RCSD1: variants seen among roughly 807,000 people sequenced by gnomAD.
RCSD1 encodes RCSD domain containing 1, also known as capZ-interacting protein.
Under a neutral mutation model 42.5 loss-of-function variants are expected in RCSD1, and 26 were observed. That is an observed-to-expected ratio of 0.61 (90% CI 0.45 to 0.85). RCSD1 has a LOEUF of 0.85. Among genes scored for constraint, RCSD1 ranks in the 40% least tolerant of loss-of-function variants. The pLI, the probability that RCSD1 is intolerant of heterozygous loss-of-function variation, is 0.00. For missense variants in RCSD1, 571 were observed against 528.3 expected (o/e 1.08, Z -0.79); for synonymous variants, 220 against 212.2 (o/e 1.04, Z -0.32).
intron 1 of RCSD1, among the ~76,000 whole-genome samples, chr1:167,645,449 T>C (rs1422651253): frequency 6.6e-6 from 1 of 152,106 alleles, no homozygotes; most frequent in East Asian, 1.9e-4. Context: ...TGTCCCCAGA[T>C]AAAGCAGGAC....
In RCSD1 at chr1:167,705,085, C is replaced by G. The variant is rs1659728146; in HGVS notation, c.*389C>G. 1 of 158,186 alleles carries G rather than the reference C, an allele frequency of 6.3e-6. No homozygotes were observed. The highest frequency in any genetic ancestry group is 2.5e-5 in the African/African-American group (1 of 40,596). 9.8% of individuals were successfully genotyped at this position (158,186 alleles called of 1,614,324 possible). A position where few individuals can be genotyped will look rare whatever the true frequency, so the allele number is the denominator to read the frequency against. ...AGCTGATCTCTAATTTAACTGAGCT[C>G]TAATTTAGCTGATCAGATTTTGCTT... On this transcript the variant is annotated 3_prime_UTR_variant, in exon 7 of 7. Transcript: ENST00000367854.
At chr1:167,699,086 C>T (rs1208997151) in intron 6 of RCSD1, among the ~76,000 whole-genome samples, 1 of 152,196 alleles carries the variant, frequency 6.6e-6, no homozygotes, top group Non-Finnish European at 1.5e-5. Flanking sequence ...GCGTGAGCCA[C>T]CGCGCCCGGC....
At chr1:167,649,936 A>C (rs368544470) in intron 1 of RCSD1, among the ~76,000 whole-genome samples, 1 of 152,196 alleles carries the variant, frequency 6.6e-6, no homozygotes, top group Non-Finnish European at 1.5e-5. Flanking sequence ...GTAAAGATGC[A>C]CTGTGTGTGT....
intron 1 of RCSD1, among the ~76,000 whole-genome samples, chr1:167,646,884 C>T (rs1213611042): frequency 6.6e-6 from 1 of 152,148 alleles, no homozygotes; most frequent in East Asian, 1.9e-4. Context: ...AATCCCAGCA[C>T]TTTGGGAGGA....
intron 1 of RCSD1, among the ~76,000 whole-genome samples, chr1:167,649,506 C>T (rs1658249861): frequency 6.6e-6 from 1 of 152,192 alleles, no homozygotes; most frequent in South Asian, 2.1e-4. Flanking sequence ...AGCTTGGCCT[C>T]ACCACTTGTT....
intron 3 of RCSD1, among the ~76,000 whole-genome samples, chr1:167,688,883 T>G (rs1480429123): frequency 6.6e-6 from 1 of 152,224 alleles, no homozygotes; most frequent in East Asian, 1.9e-4. Flanking sequence ...TCCAACCACA[T>G]GGAAGTCATC....
chr1:167,681,198 T>G (rs1263407333), intron 1 of RCSD1, among the ~76,000 whole-genome samples: 1 of 152,252 alleles, frequency 6.6e-6, no homozygotes, highest in Non-Finnish European at 1.5e-5. Flanking sequence ...CAAATGATGC[T>G]ACTTAACTGA....
chr1:167,650,519 T>TCA (rs1658275193), intron 1 of RCSD1, among the ~76,000 whole-genome samples: 1 of 152,126 alleles, frequency 6.6e-6, no homozygotes. Flanking sequence ...CTCGAGTGTT[T>TCA]GGGTCCAGCT....
At chr1:167,670,093 C>G (rs1658766289) in intron 1 of RCSD1, among the ~76,000 whole-genome samples, 1 of 152,000 alleles carries the variant, frequency 6.6e-6, no homozygotes, top group Non-Finnish European at 1.5e-5. Flanking sequence ...TGTAACATAC[C>G]CCAGGACTCC....
intron 3 of RCSD1, among the ~76,000 whole-genome samples, chr1:167,688,568 G>C (rs999848442): frequency 3.0e-4 from 46 of 152,328 alleles, no homozygotes; most frequent in African/African-American, 1.1e-3. Context: ...AGGAGGCTGA[G>C]GCCAAGGGCT....
intron 1 of RCSD1, among the ~76,000 whole-genome samples, chr1:167,677,450 C>T (rs1020207179): frequency 1.3e-5 from 2 of 152,160 alleles, no homozygotes; most frequent in Non-Finnish European, 2.9e-5. Flanking sequence ...TAAGCATGTG[C>T]CCCCAGGAGG....
intron 4 of RCSD1, among the ~76,000 whole-genome samples, chr1:167,692,680 A>G (rs74120632): frequency 0.038 from 5,847 of 152,092 alleles, 177 homozygotes; most frequent in African/African-American, 0.079. Context: ...GCTTTTTGAC[A>G]TGGTTTGGGC....
At position 167,697,687 on chromosome 1, in the gene RCSD1, G is replaced by A; in HGVS notation, c.1063G>A (p.Gly355Arg). The A allele has an allele frequency of 6.2e-7, 1 of 1,604,424 alleles. No individual in the cohort carries two copies. The highest frequency in any genetic ancestry group is 8.5e-7 in the Non-Finnish European group (1 of 1,175,836). The change falls in exon 6 of 7, where the codon GGA becomes AGA. Residue 355 changes from glycine (G) to arginine (R), a missense_variant. Coordinates refer to ENST00000367854, the MANE Select transcript of RCSD1 (RefSeq NM_052862.4). ...GGAGACCCCCCACAGTCCCCCTGGA[G>A]GAGTGAAGGGCGGAGATGTCCCCAA... ...VKETPHSPPG[G>R]VKGGDVPKQE...
At chr1:167,647,505 G>A (rs1571675499) in intron 1 of RCSD1, among the ~76,000 whole-genome samples, 1 of 151,884 alleles carries the variant, frequency 6.6e-6, no homozygotes, top group African/African-American at 2.4e-5. Context: ...AGAATTGCTT[G>A]AGCCTAGAAG....
intron 1 of RCSD1, among the ~76,000 whole-genome samples, chr1:167,671,093 G>A (rs906530990): frequency 6.6e-6 from 1 of 152,140 alleles, no homozygotes; most frequent in Non-Finnish European, 1.5e-5. Context: ...TATAAAGAGG[G>A]AGCCTCATCT....
rs1217135703 is a variant in RCSD1 at position 167,698,771 on chromosome 1, T to A, written c.1218+929T>A. On this transcript the variant is annotated intron_variant, in intron 6 of 6. Transcript: ENST00000367854. ...CAGCTTCCTGCTACAGTAGCCTCTTTGTTTGTTTGTTTGTTTGTTTTTTGT... is the reference window on the plus strand; with the variant it reads ...CAGCTTCCTGCTACAGTAGCCTCTTAGTTTGTTTGTTTGTTTGTTTTTTGT... 2.6e-5 allele frequency among the ~76,000 whole-genome samples: 4 copies of A among 151,648 alleles called. No homozygotes were observed. In the South Asian group the frequency reaches 8.3e-4, roughly 32 times the overall value.
At chr1:167,674,605 G>A (rs760901609) in intron 1 of RCSD1, among the ~76,000 whole-genome samples, 2 of 152,188 alleles carry the variant, frequency 1.3e-5, no homozygotes, top group African/African-American at 2.4e-5. Flanking sequence ...AAGAAAGCCT[G>A]TAGGCTTTAG....
intron 1 of RCSD1, among the ~76,000 whole-genome samples, chr1:167,665,493 GGTAGGT>G (rs1174271624): frequency 6.6e-6 from 1 of 152,134 alleles, no homozygotes; most frequent in Non-Finnish European, 1.5e-5. Flanking sequence ...TAAGATTGTT[GGTAGGT>G]GTAGTGTAGG....
At chr1:167,652,063 C>A (rs1302069832) in intron 1 of RCSD1, among the ~76,000 whole-genome samples, 1 of 146,716 alleles carries the variant, frequency 6.8e-6, no homozygotes, top group Non-Finnish European at 1.5e-5. Flanking sequence ...GCTCTGTCAC[C>A]CAGGCTGGAG....
Sources: allele counts gnomAD v4.1 joint callset (sites outside exome capture counted in the v4.1 genomes callset), GRCh38; gene constraint gnomAD v4.1.1; transcripts MANE v1.5; gene names NCBI Gene and HGNC (gene_info 2026-07-23, HGNC 2026-07-21).